Variants in PALS2 observed in about 807,000 individuals in gnomAD.
PALS2 encodes the protein protein PALS2.
Under a neutral mutation model 61.6 loss-of-function variants are expected in PALS2, and 27 were observed. The ratio of observed to expected loss-of-function variants is 0.44; its 90% CI spans 0.32 to 0.60. The LOEUF (loss-of-function observed/expected upper bound fraction) is 0.60. Ranked by LOEUF, PALS2 falls within the 20% of genes least tolerant of loss-of-function variation. The pLI is 0.05. For synonymous variants in PALS2, 236 were observed against 218.6 expected (o/e 1.08, Z -0.70); for missense variants, 554 against 639.4 (o/e 0.87, Z 1.44).
intron 5 of PALS2, among the ~76,000 whole-genome samples, chr7:24,660,236 A>AT (rs1203716004): frequency 6.9e-6 from 1 of 145,386 alleles, no homozygotes; most frequent in Non-Finnish European, 1.5e-5. Flanking sequence ...ATATAGGTGA[A>AT]TCATTCCCAT....
intron 1 of PALS2, among the ~76,000 whole-genome samples, chr7:24,616,949 A>G (rs115984410): frequency 0.017 from 2,528 of 152,300 alleles, 84 homozygotes; most frequent in African/African-American, 0.058. Flanking sequence ...CTGAATGTCC[A>G]TTATCTCCCA....
intron 2 of PALS2, among the ~76,000 whole-genome samples, chr7:24,630,944 C>T (rs193173694): frequency 5.3e-5 from 8 of 152,284 alleles, no homozygotes; most frequent in Admixed American, 3.9e-4. Context: ...CCCAAGAGCT[C>T]GGACAGAAAT....
chr7:24,593,746 AC>A (rs1168425331), intron 1 of PALS2, among the ~76,000 whole-genome samples: 1 of 152,030 alleles, frequency 6.6e-6, no homozygotes, highest in Non-Finnish European at 1.5e-5. Flanking sequence ...AATTCAGTAA[AC>A]CTTGTTGTAA....
intron 1 of PALS2, among the ~76,000 whole-genome samples, chr7:24,585,516 T>C (rs576904353): frequency 6.6e-6 from 1 of 152,308 alleles, no homozygotes; most frequent in Non-Finnish European, 1.5e-5. Context: ...TAGTAACCTT[T>C]ATTTAACTCG....
chr7:24,579,148 A>G lies in PALS2; in HGVS notation c.-3+5555A>G, dbSNP rs1583820910. On this transcript the variant is annotated intron_variant, in intron 1 of 11. Coordinates refer to ENST00000222644, the MANE Select transcript of PALS2 (RefSeq NM_001303037.2). ...AACAGAGTAATTCTCAGAAAAGGAA[A>G]TGCAAGTGTTTTGTAAGCATCTGTA... 2.0e-5 allele frequency among the ~76,000 whole-genome samples: 3 copies of G among 152,352 alleles called. No homozygotes were observed. In the East Asian group the frequency reaches 5.8e-4, roughly 29 times the overall value.
Position 24,668,539 on chromosome 7 carries a change from C to G in PALS2, c.993C>G (p.Ala331=). 6.2e-7 allele frequency: 1 copy of G among 1,613,490 alleles called. No homozygotes were observed. Among genetic ancestry groups the G allele is most frequent in the African/African-American group, 1.3e-5 (1 of 74,948 alleles). Residue 331 remains alanine, a synonymous_variant, in exon 9 of 12, where the codon GCC becomes GCG. Transcript: ENST00000222644. ...AAATCCAGATATATGAGGAGGTAGCCAAAATGCCTCCCTTCCAGAGAAAAA... is the reference window on the plus strand; with the variant it reads ...AAATCCAGATATATGAGGAGGTAGCGAAAATGCCTCCCTTCCAGAGAAAAA... ...RHEIQIYEEV[A]KMPPFQRKTL...
chr7:24,650,749 T>A, intron 5 of PALS2, 37 bp downstream of exon 5: 1 of 1,313,072 alleles, frequency 7.6e-7, no homozygotes, highest in Non-Finnish European at 1.0e-6. Context: ...TAAAAATACT[T>A]TCATGTTTTT....
chr7:24,658,436 T>C (rs939782485), intron 5 of PALS2, among the ~76,000 whole-genome samples: 1 of 152,236 alleles, frequency 6.6e-6, no homozygotes, highest in African/African-American at 2.4e-5. Flanking sequence ...TTTCTCCTTG[T>C]TATAGGTTAT....
At chr7:24,607,681 G>A (rs1783968178) in intron 1 of PALS2, among the ~76,000 whole-genome samples, 1 of 151,494 alleles carries the variant, frequency 6.6e-6, no homozygotes, top group East Asian at 1.9e-4. Flanking sequence ...ATATACATAT[G>A]TGTGTGTATG....
At chr7:24,653,179 G>A (rs1400208564) in intron 5 of PALS2, among the ~76,000 whole-genome samples, 1 of 152,104 alleles carries the variant, frequency 6.6e-6, no homozygotes, top group African/African-American at 2.4e-5. Context: ...AGATTTGATT[G>A]TGTATATAAC....
At chr7:24,645,865 T>G (rs1220807185) in intron 3 of PALS2, among the ~76,000 whole-genome samples, 1 of 152,190 alleles carries the variant, frequency 6.6e-6, no homozygotes, top group Non-Finnish European at 1.5e-5. Flanking sequence ...AGGTAATTTA[T>G]TCTTTTTGTG....
At chr7:24,662,336 A>G (rs78774940) in intron 5 of PALS2, among the ~76,000 whole-genome samples, 10,535 of 152,292 alleles carry the variant, frequency 0.069, 451 homozygotes, top group African/African-American at 0.11. Context: ...AGTATGATAA[A>G]CAAATAGAAA....
intron 11 of PALS2, among the ~76,000 whole-genome samples, chr7:24,686,613 G>A (rs1443730144): frequency 6.6e-6 from 1 of 152,030 alleles, no homozygotes; most frequent in Non-Finnish European, 1.5e-5. Context: ...TTCTTTCATG[G>A]TAGTTATCAC....
At chr7:24,649,872 T>A in intron 4 of PALS2, 108 bp downstream of exon 4, 1 of 1,091,984 alleles carries the variant, frequency 9.2e-7, no homozygotes, top group South Asian at 2.4e-5. Context: ...TTATGAAAAC[T>A]GTATTCTTGT....
intron 1 of PALS2, among the ~76,000 whole-genome samples, chr7:24,586,256 T>C (rs1783061330): frequency 6.6e-6 from 1 of 152,188 alleles, no homozygotes; most frequent in Non-Finnish European, 1.5e-5. Flanking sequence ...AAATACTGCT[T>C]TATTTTATCA....
intron 1 of PALS2, among the ~76,000 whole-genome samples, chr7:24,603,542 A>G (rs1321667174): frequency 1.3e-5 from 2 of 152,172 alleles, no homozygotes; most frequent in African/African-American, 2.4e-5. Flanking sequence ...GGACTTGACA[A>G]CTGGCTGCAA....
At chr7:24,589,056 T>C (rs1230611005) in intron 1 of PALS2, 1 of 152,172 alleles carries the variant, frequency 6.6e-6, no homozygotes, top group Admixed American at 6.6e-5. Context: ...CAGGATATGA[T>C]TTGTAGATCC....
At chr7:24,620,737 A>T (rs866939088) in intron 1 of PALS2, among the ~76,000 whole-genome samples, 18 of 152,148 alleles carry the variant, frequency 1.2e-4, no homozygotes, top group African/African-American at 3.4e-4. Flanking sequence ...TACTATTGCT[A>T]ACAGTATTTT....
chr7:24,626,460 C>CT, intron 2 of PALS2, among the ~76,000 whole-genome samples: 1 of 151,362 alleles, frequency 6.6e-6, no homozygotes, highest in African/African-American at 2.4e-5. Context: ...CAGTTACTGC[C>CT]TTTTTAATAA....
Sources: gnomAD v4.1 joint callset for allele counts (sites outside exome capture counted in the v4.1 genomes callset) on GRCh38, gnomAD v4.1.1 for gene constraint, MANE v1.5 for transcripts, NCBI Gene and HGNC (gene_info 2026-07-23, HGNC 2026-07-21) for gene names.